The following MIX23 variants were observed in gnomAD, a reference collection of about 807,000 sequenced individuals.
The protein encoded by MIX23 is protein MIX23.
A neutral mutation model predicts 21.6 loss-of-function variants in MIX23; 13 were observed. The ratio of observed to expected loss-of-function variants is 0.60; its 90% CI spans 0.39 to 0.96. The LOEUF (loss-of-function observed/expected upper bound fraction) is 0.96. MIX23 is among the 40% of genes least tolerant of loss of function. The pLI is 0.00. For missense variants in MIX23, 144 were observed against 171.2 expected, an observed-to-expected ratio of 0.84 and a Z score of 0.89; for synonymous variants, 59 against 58.0, an observed-to-expected ratio of 1.02 and a Z score of -0.08.
chr3:122,379,906 G>T (rs1213286159), intron 1 of MIX23, among the ~76,000 whole-genome samples: 1 of 152,134 alleles, frequency 6.6e-6, no homozygotes, highest in African/African-American at 2.4e-5. Context: ...AATTATGCAG[G>T]CGTTTTTCTT....
At chr3:122,377,098 T>C (rs1204104871) in intron 1 of MIX23, among the ~76,000 whole-genome samples, 2 of 152,176 alleles carry the variant, frequency 1.3e-5, no homozygotes, top group Non-Finnish European at 2.9e-5. Context: ...GGAGAATTGC[T>C]TGAACCCAGC....
At chr3:122,368,847 C>T (rs1336799239) in intron 2 of MIX23, among the ~76,000 whole-genome samples, 2 of 152,144 alleles carry the variant, frequency 1.3e-5, no homozygotes, top group South Asian at 2.1e-4. Flanking sequence ...CCTTTACCTT[C>T]GCAAGACAGA....
chr3:122,368,187 C>T lies in MIX23; in HGVS notation c.313G>A (p.Glu105Lys). 6.2e-7 allele frequency: 1 copy of T among 1,610,280 alleles called. No individual in the cohort carries two copies. Among genetic ancestry groups the T allele is most frequent in the South Asian group, 1.1e-5 (1 of 90,946 alleles). Residue 105 changes from glutamate (E) to lysine (K), a missense_variant, in exon 3 of 5, where the codon GAG becomes AAG. Glu to Lys is a moderately conservative substitution (Grantham distance 56, BLOSUM62 1). Coordinates refer to ENST00000291458, the MANE Select transcript of MIX23 (RefSeq NM_001017928.4). The part of the protein sequence containing the change: ...DLTLLKQLRK[E>K]QTKLKWMQSE... ...TCTGTTCAACTTACCTTTGTCTGCT[C>T]TTTTCTAAGTTGTTTTAATAACGTT... is the stretch of plus-strand genomic sequence containing the variant.
rs1158747986 is a variant in MIX23, at chr3:122,376,166, C to CAAAAAAAAAAAA, written c.52-4378_52-4367dup. Among the ~76,000 whole-genome samples, 2 of 64,480 alleles carry CAAAAAAAAAAAA rather than the reference C, an allele frequency of 3.1e-5. 1 individual carries two copies. The highest frequency in any genetic ancestry group is 5.4e-5 in the Non-Finnish European group (2 of 36,842). 42.3% of individuals were successfully genotyped at this position (64,480 alleles called of 152,430 possible). On this transcript the variant is annotated intron_variant, in intron 1 of 4. Transcript: ENST00000291458. ...TGGGCAGCAGAGAGAGACTCCGTCT[C>CAAAAAAAAAAAA]AAAAAAAAAAAAAAAAAAAAAAAGA...
chr3:122,368,597 C>T (rs1361666458), intron 2 of MIX23, among the ~76,000 whole-genome samples: 1 of 152,154 alleles, frequency 6.6e-6, no homozygotes, highest in Non-Finnish European at 1.5e-5. Flanking sequence ...TCTGCATTCC[C>T]CAAGCTGGGC....
At chr3:122,379,068 C>G (rs1395081290) in intron 1 of MIX23, among the ~76,000 whole-genome samples, 1 of 151,944 alleles carries the variant, frequency 6.6e-6, no homozygotes, top group Non-Finnish European at 1.5e-5. Flanking sequence ...TCAGGAATTG[C>G]TGAAAACTGT....
At chr3:122,372,224 C>CA (rs55800173) in intron 1 of MIX23, among the ~76,000 whole-genome samples, 9,285 of 44,528 alleles carry the variant, frequency 0.21, 869 homozygotes, top group East Asian at 0.43. Flanking sequence ...CTCCAACTCT[C>CA]AAAAAAAAAA....
chr3:122,379,681 C>T (rs60161383), intron 1 of MIX23, among the ~76,000 whole-genome samples: 3 of 152,288 alleles, frequency 2.0e-5, no homozygotes, highest in South Asian at 2.1e-4. Flanking sequence ...AACTGCAACA[C>T]CTGTCCACAG....
chr3:122,381,741 A>T (rs2075534313), intron 1 of MIX23, among the ~76,000 whole-genome samples: 3 of 151,944 alleles, frequency 2.0e-5, no homozygotes, highest in Admixed American at 6.6e-5. Flanking sequence ...AAAAAAAAAA[A>T]AAAAGAAGAG....
intron 1 of MIX23, among the ~76,000 whole-genome samples, chr3:122,375,814 T>G (rs1035384699): frequency 6.6e-6 from 1 of 152,142 alleles, no homozygotes; most frequent in African/African-American, 2.4e-5. Context: ...ACAACAGAAC[T>G]ACCATTTGAC....
Position 122,363,047 on chromosome 3 carries a change from T to C in MIX23, c.325-20A>G, listed in dbSNP as rs1427493714. 1 of 1,587,630 alleles carries C rather than the reference T, an allele frequency of 6.3e-7. No homozygotes were observed. Among genetic ancestry groups the C allele is most frequent in the Non-Finnish European group, 8.6e-7 (1 of 1,164,418 alleles). ...TTTCAACTGCAAGAAAAAAAAAAAT[T>C]GAAGTTATAAAATTTAAAGAGCAAG... On this transcript the variant is annotated intron_variant, in intron 3 of 4. Transcript: ENST00000291458.
chr3:122,383,038 A>G, intron 1 of MIX23, 136 bp downstream of exon 1: 1 of 1,165,520 alleles, frequency 8.6e-7, no homozygotes, highest in Non-Finnish European at 1.3e-6. Context: ...GCCCCCCATG[A>G]CCTCCAATGG....
intron 1 of MIX23, among the ~76,000 whole-genome samples, chr3:122,375,847 C>A (rs2107685546): frequency 6.6e-6 from 1 of 152,116 alleles, no homozygotes. Flanking sequence ...CTACTGGGTA[C>A]TTACCCAAAG....
At chr3:122,371,885 T>C in intron 1 of MIX23, 85 bp from the exon 2 acceptor site, 1 of 1,174,164 alleles carries the variant, frequency 8.5e-7, no homozygotes, top group Non-Finnish European at 1.2e-6. Context: ...ATAAAGCTCT[T>C]GGATATTTTA....
At chr3:122,363,754 C>A (rs138917205) in intron 3 of MIX23, among the ~76,000 whole-genome samples, 33 of 151,766 alleles carry the variant, frequency 2.2e-4, no homozygotes, top group Non-Finnish European at 3.5e-4. Context: ...CTAAAAATGC[C>A]AAGTCTTTCT....
At chr3:122,362,938 TTC>T (rs1359166261) in intron 4 of MIX23, 28 bp downstream of exon 4, 1 of 1,600,814 alleles carries the variant, frequency 6.2e-7, no homozygotes, top group African/African-American at 1.3e-5. Context: ...TCCCTCCTAC[TTC>T]TTTCCAAACA....
chr3:122,377,697 A>C (rs1435024417), intron 1 of MIX23, among the ~76,000 whole-genome samples: 2 of 152,148 alleles, frequency 1.3e-5, no homozygotes, highest in Non-Finnish European at 2.9e-5. Context: ...AAAGTAAAAA[A>C]TTTAGCCAAG....
intron 1 of MIX23, among the ~76,000 whole-genome samples, chr3:122,378,367 T>C (rs1391919379): frequency 1.3e-5 from 2 of 152,224 alleles, no homozygotes; most frequent in South Asian, 4.1e-4. Context: ...ATTAACTATG[T>C]AATGAGTCCA....
rs2075344563 is a variant in MIX23 at position 122,359,844 on chromosome 3, A to AAG, written c.*24_*25insCT. ...GACCCAGTCCTTAAAAAAAAAAAAA[A>AAG]AAAAAAAAAAAAAAGAATCTCTCTT... On this transcript the variant is annotated 3_prime_UTR_variant, in exon 5 of 5. Transcript: ENST00000291458. The AAG allele has an allele frequency of 6.9e-7, 1 of 1,439,210 alleles. No homozygotes were observed. Among genetic ancestry groups the AAG allele is most frequent in the African/African-American group, 1.5e-5 (1 of 65,930 alleles). 89.2% of individuals were successfully genotyped at this position (1,439,210 alleles called of 1,614,324 possible).
Sources: allele counts gnomAD v4.1 joint callset (sites outside exome capture counted in the v4.1 genomes callset), GRCh38; gene constraint gnomAD v4.1.1; transcripts MANE v1.5; gene names NCBI Gene and HGNC (gene_info 2026-07-23, HGNC 2026-07-21).